The following CEP162 variants were observed in gnomAD, a reference collection of about 807,000 sequenced individuals.
The protein encoded by CEP162 is centrosomal protein of 162 kDa.
Under a neutral mutation model 169.2 loss-of-function variants are expected in CEP162, and 141 were observed. The observed-to-expected ratio is 0.83, with a 90% CI of 0.73 to 0.96. The LOEUF is 0.96. CEP162 is among the 40% of genes least tolerant of loss of function. CEP162 has a pLI of 0.00. For synonymous variants in CEP162, 540 were observed against 526.4 expected (o/e 1.03, Z -0.35); for missense variants, 1,600 against 1,587.2 (o/e 1.01, Z -0.14).
At chr6:84,194,646 G>A (rs1025059448) in intron 10 of CEP162, among the ~76,000 whole-genome samples, 3 of 151,886 alleles carry the variant, frequency 2.0e-5, no homozygotes, top group African/African-American at 4.8e-5. Flanking sequence ...TAGAGATGGG[G>A]TTTCACCATG....
Position 84,185,443 on chromosome 6 carries a change from G to A in CEP162, c.1407C>T (p.Tyr469=), listed in dbSNP as rs751085657. ...CTTCTTCAGAACTAAGTTGAGATCT[G>A]TAAGTCTGTACACAACAAACAAAAG... ...LSQDDKINKT[Y]RSQLSSEEEG... The change falls in exon 13 of 27, where the codon TAC becomes TAT. Residue 469 remains tyrosine, a synonymous_variant. Coordinates refer to ENST00000403245, the MANE Select transcript of CEP162 (RefSeq NM_014895.4). The A allele has an allele frequency of 6.2e-7, 1 of 1,612,744 alleles. No homozygotes were observed. Among genetic ancestry groups the A allele is most frequent in the East Asian group, 2.2e-5 (1 of 44,836 alleles).
chr6:84,212,531 A>G (rs1019825413), intron 6 of CEP162, among the ~76,000 whole-genome samples: 7 of 151,954 alleles, frequency 4.6e-5, no homozygotes, highest in African/African-American at 1.4e-4. Flanking sequence ...AAAAAAATAC[A>G]ACAAAGAAGA....
At chr6:84,184,097 T>A (rs755098621) in intron 13 of CEP162, among the ~76,000 whole-genome samples, 2 of 152,164 alleles carry the variant, frequency 1.3e-5, no homozygotes, top group Non-Finnish European at 2.9e-5. Context: ...ACTAGCCATG[T>A]TACTGTGCAC....
chr6:84,220,197 T>C (rs2099553132), intron 3 of CEP162, among the ~76,000 whole-genome samples: 1 of 152,176 alleles, frequency 6.6e-6, no homozygotes, highest in South Asian at 2.1e-4. Flanking sequence ...CCCATATGTA[T>C]ATTTTTTCCC....
Position 84,126,512 on chromosome 6 carries a change from T to C in CEP162, c.3871A>G (p.Ile1291Val). 6.6e-7 allele frequency: 1 copy of C among 1,517,844 alleles called. No individual in the cohort carries two copies. The highest frequency in any genetic ancestry group is 8.8e-7 in the Non-Finnish European group (1 of 1,130,278). The allele number at this position is 1,517,844 out of a possible 1,614,324, so 94.0% of individuals were successfully genotyped here. A position where few individuals can be genotyped will look rare whatever the true frequency, so the allele number is the denominator to read the frequency against. The change falls in exon 26 of 27, where the codon ATT becomes GTT. Residue 1291 changes from isoleucine to valine, a missense_variant and splice_region_variant. Ile to Val is a conservative substitution (Grantham distance 29). Coordinates refer to ENST00000403245, the MANE Select transcript of CEP162 (RefSeq NM_014895.4). ...EVREEILQKE[I>V]TKLLEELREA... is the part of the protein sequence containing the mutation. ...CTCAATTCTTCTAAGAGTTTTGTAA[T>C]CTAAAATTGACATATGAAGCAAATG...
chr6:84,162,524 T>C (rs2099526199), intron 19 of CEP162, among the ~76,000 whole-genome samples: 1 of 152,302 alleles, frequency 6.6e-6, no homozygotes, highest in African/African-American at 2.4e-5. Flanking sequence ...TCTAACTTTC[T>C]ATCCCTGTGT....
chr6:84,164,022 CA>C (rs1452125410), intron 18 of CEP162, among the ~76,000 whole-genome samples: 1 of 146,646 alleles, frequency 6.8e-6, no homozygotes, highest in Non-Finnish European at 1.5e-5. Flanking sequence ...AAAAAAAAAC[CA>C]TCAAAAAGTG....
intron 25 of CEP162, among the ~76,000 whole-genome samples, chr6:84,133,727 G>A (rs1416746546): frequency 1.3e-5 from 2 of 152,190 alleles, no homozygotes. Context: ...CACAGTATTA[G>A]GGTGGGAGTG....
intron 5 of CEP162, among the ~76,000 whole-genome samples, chr6:84,214,115 A>G (rs2099550614): frequency 6.6e-6 from 1 of 151,990 alleles, no homozygotes; most frequent in African/African-American, 2.4e-5. Flanking sequence ...CTTCTCTACT[A>G]AAAAATACAA....
chr6:84,174,217 T>C (rs1301406635), intron 15 of CEP162, 29 bp from the exon 16 acceptor site: 18 of 1,576,566 alleles, frequency 1.1e-5, no homozygotes, highest in Non-Finnish European at 1.6e-5. Flanking sequence ...ATTGTTTTAT[T>C]TGGGGAAGGA....
At chr6:84,183,847 T>C (rs2099535935) in intron 13 of CEP162, among the ~76,000 whole-genome samples, 1 of 152,172 alleles carries the variant, frequency 6.6e-6, no homozygotes. Flanking sequence ...TAACTTTAAT[T>C]AGACTGCCTT....
At chr6:84,200,962 G>C (rs1172118923) in intron 8 of CEP162, 57 bp from the exon 9 acceptor site, 2 of 1,056,024 alleles carry the variant, frequency 1.9e-6, no homozygotes, top group East Asian at 4.9e-5. Context: ...TGGTTCTGTT[G>C]ATCTAATACA....
At chr6:84,166,390 A>G (rs957909129) in intron 18 of CEP162, among the ~76,000 whole-genome samples, 2 of 152,176 alleles carry the variant, frequency 1.3e-5, no homozygotes, top group African/African-American at 4.8e-5. Context: ...TTTCTCAGAG[A>G]GAGCTTTCCT....
rs1227755174 is a variant in CEP162, at chr6:84,221,388, T to C, written c.58-217A>G. Among the ~76,000 whole-genome samples the C allele has an allele frequency of 2.6e-5, 4 of 152,132 alleles. No individual in the cohort carries two copies. The East Asian group carries it at 7.7e-4, about 29-fold the overall frequency. On this transcript the variant is annotated intron_variant, in intron 2 of 26. Coordinates refer to ENST00000403245, the MANE Select transcript of CEP162 (RefSeq NM_014895.4). The stretch of plus-strand genomic sequence containing the variant: ...CATCTCTGAGCATCAATTTCATAAT[T>C]AAGTAAACCAGGAGAATAACAACAA...
chr6:84,185,347 T>C lies in CEP162; in HGVS notation c.1503A>G (p.Lys501=). 9.9e-6 allele frequency: 16 copies of C among 1,613,672 alleles called. No individual in the cohort carries two copies. Among genetic ancestry groups the C allele is most frequent in the Non-Finnish European group, 1.4e-5 (16 of 1,179,696 alleles). The change falls in exon 13 of 27, where the codon AAA becomes AAG. Residue 501 remains lysine (K), a synonymous_variant. Transcript: ENST00000403245. ...CTGACGCATATAATCCACTCTGGGGTTTCCTTTTAAGTAAAGGAGGTGCAC... is the reference window on the plus strand; with the variant it reads ...CTGACGCATATAATCCACTCTGGGGCTTCCTTTTAAGTAAAGGAGGTGCAC... ...ARSAPPLLKR[K]PQSGLYASVR... is the part of the protein sequence containing the mutation.
intron 25 of CEP162, among the ~76,000 whole-genome samples, chr6:84,127,436 T>C (rs1175128531): frequency 6.6e-6 from 1 of 152,148 alleles, no homozygotes; most frequent in African/African-American, 2.4e-5. Flanking sequence ...CCTGATGATA[T>C]CATCATTGAA....
At position 84,213,033 on chromosome 6, in the gene CEP162, A is replaced by G; in HGVS notation, c.504-9T>C. On this transcript the variant is annotated splice_polypyrimidine_tract_variant and intron_variant, in intron 5 of 26. Transcript: ENST00000403245. ...CTGCGTTGGCTTGATTACTGGAAAAAATATTTATTTAATTTAGCATTACAT... is the reference window on the plus strand; with the variant it reads ...CTGCGTTGGCTTGATTACTGGAAAAGATATTTATTTAATTTAGCATTACAT... 6.7e-7 allele frequency: 1 copy of G among 1,499,250 alleles called. No individual in the cohort carries two copies. The highest frequency in any genetic ancestry group is 9.1e-7 in the Non-Finnish European group (1 of 1,103,090). The allele number at this position is 1,499,250 out of a possible 1,614,324, so 92.9% of individuals were successfully genotyped here.
chr6:84,202,676 T>G (rs566749960), intron 7 of CEP162, among the ~76,000 whole-genome samples: 2 of 151,900 alleles, frequency 1.3e-5, no homozygotes, highest in Middle Eastern at 3.4e-3. Flanking sequence ...TACAGGCATG[T>G]GCCAACCATG....
intron 25 of CEP162, among the ~76,000 whole-genome samples, chr6:84,137,061 A>C (rs1283493800): frequency 1.3e-5 from 2 of 152,202 alleles, no homozygotes; most frequent in African/African-American, 4.8e-5. Context: ...GTTCTTGTGG[A>C]GCATGCGGCA....
Sources: allele counts gnomAD v4.1 joint callset (sites outside exome capture counted in the v4.1 genomes callset), GRCh38; gene constraint gnomAD v4.1.1; transcripts MANE v1.5; gene names NCBI Gene and HGNC (gene_info 2026-07-23, HGNC 2026-07-21).